BNIP2: variants seen among roughly 807,000 people sequenced by gnomAD.
BNIP2 encodes BCL2/adenovirus E1B 19 kDa protein-interacting protein 2.
Under a neutral mutation model 43.4 loss-of-function variants are expected in BNIP2, and 36 were observed. That is an observed-to-expected ratio of 0.83 (90% CI 0.64 to 1.10). BNIP2 has a LOEUF of 1.10. Ranked by LOEUF, BNIP2 falls within the 50% of genes least tolerant of loss-of-function variation. The pLI, the probability that BNIP2 is intolerant of heterozygous loss-of-function variation, is 0.00. For synonymous variants in BNIP2, 146 were observed against 121.0 expected (o/e 1.21, Z -1.35); for missense variants, 417 against 374.1 (o/e 1.11, Z -0.95).
chr15:59,682,430 ATTC>A lies in BNIP2; in HGVS notation c.25_27del (p.Glu9del). 1 of 1,613,092 alleles carries A rather than the reference ATTC, an allele frequency of 6.2e-7. No individual in the cohort carries two copies. Among genetic ancestry groups the A allele is most frequent in the Non-Finnish European group, 8.5e-7 (1 of 1,179,574 alleles). On this transcript the variant is annotated inframe_deletion, in exon 2 of 10. Transcript: ENST00000607373. ...CACATCGGAAAATCTTCATCTTGCC[ATTC>A]TTCTTTAAGTTCCACACCTTCCATC...
chr15:59,682,308 C>T, intron 2 of BNIP2, 100 bp downstream of exon 2: 2 of 1,034,332 alleles, frequency 1.9e-6, no homozygotes, highest in Middle Eastern at 2.7e-4. Context: ...GCCTGGGCAA[C>T]AGAGCAAGAC....
Position 59,661,998 on chromosome 15 carries a change from G to C in BNIP2, c.*2071C>G, listed in dbSNP as rs1420583156. 1.3e-5 allele frequency: 2 copies of C among 152,102 alleles called. No homozygotes were observed. The highest frequency in any genetic ancestry group is 4.8e-5 in the African/African-American group (2 of 41,428). 9.4% of individuals were successfully genotyped at this position (152,102 alleles called of 1,614,324 possible). On this transcript the variant is annotated 3_prime_UTR_variant, in exon 10 of 10. Transcript: ENST00000607373. ...TGTCTCTGAATTTTAATGTTTAACA[G>C]AATAGTCTTCTACTTTTAAAAAAAA...
intron 5 of BNIP2, chr15:59,677,677 A>T: frequency 8.4e-7 from 1 of 1,187,748 alleles, no homozygotes. Flanking sequence ...CTGACATCAG[A>T]TGTCTTGAGA....
At chr15:59,685,786 T>C (rs1159567895) in intron 1 of BNIP2, among the ~76,000 whole-genome samples, 1 of 152,104 alleles carries the variant, frequency 6.6e-6, no homozygotes, top group South Asian at 2.1e-4. Context: ...ATTTAAACAA[T>C]TGAGGGAGTA....
intron 1 of BNIP2, chr15:59,688,654 G>C (rs1894176790): frequency 1.3e-6 from 2 of 1,486,772 alleles, no homozygotes; most frequent in Non-Finnish European, 9.1e-7. Context: ...ATTTGGTTTA[G>C]CGTACTAGGG....
At chr15:59,679,000 T>C (rs2142010028) in intron 4 of BNIP2, among the ~76,000 whole-genome samples, 1 of 152,252 alleles carries the variant, frequency 6.6e-6, no homozygotes, top group Non-Finnish European at 1.5e-5. Flanking sequence ...AGTAAAATAC[T>C]GAATGCTAAA....
At chr15:59,685,277 A>C (rs1193201604) in intron 1 of BNIP2, among the ~76,000 whole-genome samples, 1 of 152,176 alleles carries the variant, frequency 6.6e-6, no homozygotes, top group Non-Finnish European at 1.5e-5. Context: ...AGGTGGGCGG[A>C]TCACCTGAGG....
chr15:59,684,604 T>C (rs1256746484), intron 1 of BNIP2, among the ~76,000 whole-genome samples: 1 of 152,200 alleles, frequency 6.6e-6, no homozygotes, highest in Non-Finnish European at 1.5e-5. Flanking sequence ...GGCTGAAAAC[T>C]GGTAAGTCTT....
In BNIP2 at chr15:59,677,996, G is replaced by C. The variant is rs1302340611; in HGVS notation, c.387C>G (p.Arg129=). The C allele has an allele frequency of 6.2e-7, 1 of 1,613,968 alleles. No individual in the cohort carries two copies. Among genetic ancestry groups the C allele is most frequent in the Admixed American group, 1.7e-5 (1 of 60,022 alleles). The change falls in exon 5 of 10, where the codon CGC becomes CGG. Residue 129 remains arginine, a synonymous_variant. Transcript: ENST00000607373. Reference sequence around the variant, plus strand: ...GTTCTCCAATCCTGAACATACGCCAGCGTCGTCCATCTTCTTTTTCCTCTG... The same window carrying C: ...GTTCTCCAATCCTGAACATACGCCACCGTCGTCCATCTTCTTTTTCCTCTG... The part of the protein sequence containing the change: ...TAAEEKEDGR[R]WRMFRIGEQD...
At chr15:59,680,693 G>A (rs1893612217) in intron 2 of BNIP2, among the ~76,000 whole-genome samples, 1 of 152,174 alleles carries the variant, frequency 6.6e-6, no homozygotes, top group South Asian at 2.1e-4. Flanking sequence ...GAGCCACTGT[G>A]CCCAGCCTAG....
At position 59,660,982 on chromosome 15, in the gene BNIP2, G is replaced by C. The variant is rs1215929593; in HGVS notation, c.*3087C>G. The C allele has an allele frequency of 6.6e-6, 1 of 152,122 alleles. No individual in the cohort carries two copies. The highest frequency in any genetic ancestry group is 1.5e-5 in the Non-Finnish European group (1 of 68,020). The allele number at this position is 152,122 out of a possible 1,614,324, so 9.4% of individuals were successfully genotyped here. On this transcript the variant is annotated 3_prime_UTR_variant, in exon 10 of 10. Coordinates refer to ENST00000607373, the MANE Select transcript of BNIP2 (RefSeq NM_004330.4). ...TCACATACCTTGCGTATAGCCTGCA[G>C]GTTTTCCTGCTGCATACAAGAAATG...
At chr15:59,683,088 A>T (rs1243777099) in intron 1 of BNIP2, among the ~76,000 whole-genome samples, 1 of 152,222 alleles carries the variant, frequency 6.6e-6, no homozygotes, top group African/African-American at 2.4e-5. Context: ...GATTTGTTTC[A>T]TATCTATACT....
rs1242862246 is a variant in BNIP2 at position 59,679,497 on chromosome 15, T to C, written c.295+95A>G. ...GGGTTAGCACAATTTCCTATCTTAG[T>C]AACAAATATATGAACTTTAGAAAGA... On this transcript the variant is annotated intron_variant, in intron 4 of 9. Transcript: ENST00000607373. The C allele has an allele frequency of 2.2e-6, 3 of 1,334,224 alleles. No individual in the cohort carries two copies. In the Admixed American group the frequency reaches 7.3e-5, roughly 32 times the overall value. The allele number at this position is 1,334,224 out of a possible 1,614,324, so 82.6% of individuals were successfully genotyped here.
At position 59,671,058 on chromosome 15, in the gene BNIP2, A is replaced by G. The variant is rs1345086282; in HGVS notation, c.707+125T>C. The G allele has an allele frequency of 1.5e-5, 14 of 906,930 alleles. No individual in the cohort carries two copies. The African/African-American group carries it at 1.8e-4, about 11-fold the overall frequency. The allele number at this position is 906,930 out of a possible 1,614,324, so 56.2% of individuals were successfully genotyped here. A position where few individuals can be genotyped will look rare whatever the true frequency, so the allele number is the denominator to read the frequency against. ...ATTGCACTCCAGCCTGGGCAACAAGAGTGAAACTCCGTCTCAAAAAAAAAA... is the reference window on the plus strand; with the variant it reads ...ATTGCACTCCAGCCTGGGCAACAAGGGTGAAACTCCGTCTCAAAAAAAAAA... On this transcript the variant is annotated intron_variant, in intron 7 of 9. Coordinates refer to ENST00000607373, the MANE Select transcript of BNIP2 (RefSeq NM_004330.4).
intron 1 of BNIP2, among the ~76,000 whole-genome samples, chr15:59,683,569 C>A (rs1388376722): frequency 2.6e-5 from 4 of 152,206 alleles, no homozygotes; most frequent in Non-Finnish European, 4.4e-5. Context: ...GTAATCCTAG[C>A]ACTTTGGGAG....
intron 5 of BNIP2, among the ~76,000 whole-genome samples, chr15:59,675,976 A>C (rs529857614): frequency 6.6e-5 from 10 of 152,192 alleles, no homozygotes; most frequent in Non-Finnish European, 1.2e-4. Flanking sequence ...AGGGGTACTA[A>C]ATAATTCTTC....
At chr15:59,676,239 C>A (rs768974700) in intron 5 of BNIP2, among the ~76,000 whole-genome samples, 1 of 152,168 alleles carries the variant, frequency 6.6e-6, no homozygotes, top group Non-Finnish European at 1.5e-5. Context: ...GGGATGATCA[C>A]GGCCACTGAA....
rs929764626 is a variant in BNIP2 at position 59,663,341 on chromosome 15, C to T, written c.*728G>A. On this transcript the variant is annotated 3_prime_UTR_variant, in exon 10 of 10. Transcript: ENST00000607373. ...ACATATATACAAACCCTAATTCCTA[C>T]CCTCTTAAATCCTCTAGTTCTAAGA... 4.6e-5 allele frequency: 7 copies of T among 152,390 alleles called. No individual in the cohort carries two copies. Among genetic ancestry groups the T allele is most frequent in the Non-Finnish European group, 8.8e-5 (6 of 68,018 alleles). 9.4% of individuals were successfully genotyped at this position (152,390 alleles called of 1,614,324 possible).
chr15:59,682,105 G>T (rs1426302828), intron 2 of BNIP2, among the ~76,000 whole-genome samples: 2 of 152,094 alleles, frequency 1.3e-5, no homozygotes, highest in Non-Finnish European at 2.9e-5. Flanking sequence ...AAGGCAGGCA[G>T]ATCACGAGGT....
Sources: gnomAD v4.1 joint callset for allele counts (sites outside exome capture counted in the v4.1 genomes callset) on GRCh38, gnomAD v4.1.1 for gene constraint, MANE v1.5 for transcripts, NCBI Gene and HGNC (gene_info 2026-07-23, HGNC 2026-07-21) for gene names.